The following THAP12 variants were observed in gnomAD, a reference collection of about 807,000 sequenced individuals.
The protein encoded by THAP12 is THAP domain containing 12, also known as 52 kDa repressor of the inhibitor of the protein kinase.
A neutral mutation model predicts 63.0 loss-of-function variants in THAP12; 20 were observed. The ratio of observed to expected loss-of-function variants is 0.32; its 90% CI spans 0.22 to 0.46. The LOEUF (loss-of-function observed/expected upper bound fraction) is 0.46, where lower values mean the gene tolerates loss of function less well. Among genes scored for constraint, THAP12 ranks in the 20% least tolerant of loss-of-function variants. THAP12 has a pLI of 1.00. For missense variants in THAP12, 568 were observed against 908.2 expected (o/e 0.63, Z 4.81); for synonymous variants, 264 against 328.4 (o/e 0.80, Z 2.12).
rs1160605584 is a variant in THAP12, at chr11:76,380,966, G to C, written c.-130C>G. 2.4e-6 allele frequency: 1 copy of C among 423,802 alleles called. No individual in the cohort carries two copies. The highest frequency in any genetic ancestry group is 2.1e-5 in the African/African-American group (1 of 46,780). The allele number at this position is 423,802 out of a possible 1,614,324, so 26.3% of individuals were successfully genotyped here. Reference sequence around the variant, plus strand: ...CGGCAGGGCCGACGCGCGGGGGAGGGGCGGGCGGGCTAGAAGCCGCGAGGG... The same window carrying C: ...CGGCAGGGCCGACGCGCGGGGGAGGCGCGGGCGGGCTAGAAGCCGCGAGGG... On this transcript the variant is annotated 5_prime_UTR_variant, in exon 1 of 5. Coordinates refer to ENST00000260045, the MANE Select transcript of THAP12 (RefSeq NM_004705.4).
At chr11:76,370,843 A>AAATAT (rs1555025512) in intron 1 of THAP12, among the ~76,000 whole-genome samples, 19 of 141,556 alleles carry the variant, frequency 1.3e-4, no homozygotes, top group African/African-American at 5.0e-4. Context: ...AAAAAAAAAA[A>AAATAT]ATATATATAT....
At chr11:76,356,685 TGTA>T (rs1424534122) in intron 3 of THAP12, 1 of 152,196 alleles carries the variant, frequency 6.6e-6, no homozygotes, top group Non-Finnish European at 1.5e-5. Context: ...GCATTTACAT[TGTA>T]GTAGGTGTTA....
intron 1 of THAP12, among the ~76,000 whole-genome samples, chr11:76,372,790 G>C (rs1417720574): frequency 6.6e-6 from 1 of 152,090 alleles, no homozygotes; most frequent in Non-Finnish European, 1.5e-5. Context: ...GGGAGGCAGA[G>C]ATGGGAGGAT....
intron 1 of THAP12, among the ~76,000 whole-genome samples, chr11:76,367,714 C>T (rs765662481): frequency 4.6e-5 from 7 of 152,214 alleles, no homozygotes; most frequent in Non-Finnish European, 7.3e-5. Context: ...CGAGCCACTG[C>T]GCCCGGCCCA....
At chr11:76,367,446 G>T (rs997558790) in intron 1 of THAP12, among the ~76,000 whole-genome samples, 1 of 151,386 alleles carries the variant, frequency 6.6e-6, no homozygotes, top group African/African-American at 2.4e-5. Context: ...TTTTTGAGAT[G>T]GTGTCTTGCT....
Position 76,380,744 on chromosome 11 carries a change from T to C in THAP12, c.89+4A>G, listed in dbSNP as rs1455942214. The C allele has an allele frequency of 6.9e-7, 1 of 1,440,168 alleles. No homozygotes were observed. Among genetic ancestry groups the C allele is most frequent in the Admixed American group, 2.5e-5 (1 of 39,622 alleles). The allele number at this position is 1,440,168 out of a possible 1,614,324, so 89.2% of individuals were successfully genotyped here. ...GGGCCGCCCGCTCTGCGCCCGCCGC[T>C]TACCTGGCAGGGTCCCGCGGGAACC... On this transcript the variant is annotated splice_donor_region_variant and intron_variant, in intron 1 of 4. Transcript: ENST00000260045.
intron 1 of THAP12, among the ~76,000 whole-genome samples, chr11:76,374,689 G>A (rs1000485640): frequency 3.9e-5 from 6 of 152,192 alleles, no homozygotes; most frequent in African/African-American, 1.2e-4. Flanking sequence ...GTCCACTCCT[G>A]AGAGACCAAA....
At position 76,355,617 on chromosome 11, in the gene THAP12, CTTT is replaced by C. The variant is rs745826670; in HGVS notation, c.353_355del (p.Lys118del). The C allele has an allele frequency of 6.3e-7, 1 of 1,597,302 alleles. No individual in the cohort carries two copies. The highest frequency in any genetic ancestry group is 8.5e-7 in the Non-Finnish European group (1 of 1,173,166). ...GTTGAGTCATTAACACTATCACTTA[CTTT>C]TTTTCTGTTTCAGTGTCCTGATTTC... On this transcript the variant is annotated inframe_deletion and splice_region_variant, in exon 4 of 5. Coordinates refer to ENST00000260045, the MANE Select transcript of THAP12 (RefSeq NM_004705.4).
intron 3 of THAP12, chr11:76,359,475 C>G (rs913673071): frequency 2.0e-5 from 3 of 152,004 alleles, no homozygotes; most frequent in African/African-American, 7.3e-5. Flanking sequence ...GATGTCAATT[C>G]AAAGCAATTA....
chr11:76,366,406 G>T (rs1299332033), intron 1 of THAP12, among the ~76,000 whole-genome samples: 1 of 152,186 alleles, frequency 6.6e-6, no homozygotes, highest in Non-Finnish European at 1.5e-5. Context: ...CAATTAGGCC[G>T]GGCGTGTTGT....
chr11:76,358,985 A>G (rs1946579556), intron 3 of THAP12: 1 of 152,230 alleles, frequency 6.6e-6, no homozygotes, highest in Non-Finnish European at 1.5e-5. Flanking sequence ...AGGCAACAGA[A>G]AAAATTAAAA....
intron 1 of THAP12, among the ~76,000 whole-genome samples, chr11:76,369,062 A>G (rs1423532856): frequency 6.6e-6 from 1 of 152,332 alleles, no homozygotes; most frequent in South Asian, 2.1e-4. Flanking sequence ...ATAACCCAAC[A>G]TAAAAATAGG....
At chr11:76,360,682 T>C (rs540704521) in intron 3 of THAP12, among the ~76,000 whole-genome samples, 2 of 152,254 alleles carry the variant, frequency 1.3e-5, no homozygotes, top group South Asian at 4.2e-4. Flanking sequence ...TTCCTTCTTC[T>C]CCAGAAGGGA....
At chr11:76,364,611 G>C (rs947191447) in intron 2 of THAP12, among the ~76,000 whole-genome samples, 8 of 152,104 alleles carry the variant, frequency 5.3e-5, no homozygotes, top group African/African-American at 1.9e-4. Context: ...GAATCACAGA[G>C]GGTTAAAAAT....
At chr11:76,371,424 A>G (rs1287542246) in intron 1 of THAP12, among the ~76,000 whole-genome samples, 1 of 152,174 alleles carries the variant, frequency 6.6e-6, no homozygotes, top group African/African-American at 2.4e-5. Context: ...TTCCTGACTC[A>G]CATGTGTACA....
intron 3 of THAP12, among the ~76,000 whole-genome samples, chr11:76,360,461 C>A (rs1452374648): frequency 6.6e-6 from 1 of 152,134 alleles, no homozygotes; most frequent in African/African-American, 2.4e-5. Context: ...GAAGGATATC[C>A]AAGGAACATA....
rs1479309542 is a variant in THAP12 at position 76,380,795 on chromosome 11, G to A, written c.42C>T (p.Ser14=). The change falls in exon 1 of 5, where the codon AGC becomes AGT. Residue 14 remains serine (S), a synonymous_variant. Transcript: ENST00000260045. ...TGAAGAAGGCCAAGTCGGACTGCGT[G>A]CTCTTCCGCGTGCAGTTGGGGGCAG... ...FCAAPNCTRK[S]TQSDLAFFRF... 6.8e-7 allele frequency: 1 copy of A among 1,464,610 alleles called. No individual in the cohort carries two copies. Among genetic ancestry groups the A allele is most frequent in the Non-Finnish European group, 9.1e-7 (1 of 1,102,580 alleles). The allele number at this position is 1,464,610 out of a possible 1,614,324, so 90.7% of individuals were successfully genotyped here.
chr11:76,363,633 G>C (rs1181104308), intron 2 of THAP12, among the ~76,000 whole-genome samples: 1 of 152,166 alleles, frequency 6.6e-6, no homozygotes, highest in Non-Finnish European at 1.5e-5. Flanking sequence ...CTGTCACCAA[G>C]GCTGAAGTGC....
chr11:76,369,478 A>T (rs1470281146), intron 1 of THAP12, among the ~76,000 whole-genome samples: 1 of 152,282 alleles, frequency 6.6e-6, no homozygotes, highest in African/African-American at 2.4e-5. Flanking sequence ...TTAACACAGC[A>T]GACCTCAGGC....
Sources: gnomAD v4.1 joint callset for allele counts (sites outside exome capture counted in the v4.1 genomes callset) on GRCh38, gnomAD v4.1.1 for gene constraint, MANE v1.5 for transcripts, NCBI Gene and HGNC (gene_info 2026-07-23, HGNC 2026-07-21) for gene names.